The following CSMD1 variants were observed in gnomAD, a reference collection of about 807,000 sequenced individuals.
The protein encoded by CSMD1 is CUB and Sushi multiple domains 1.
In CSMD1, 213 loss-of-function variants were observed where a neutral mutation model predicts 417.5. That is an observed-to-expected ratio of 0.51 (90% CI 0.46 to 0.57). CSMD1 has a LOEUF of 0.57. Ranked by LOEUF, CSMD1 falls within the 20% of genes least tolerant of loss-of-function variation. The pLI, the probability that CSMD1 is intolerant of heterozygous loss-of-function variation, is 0.00. For missense variants in CSMD1, 6,923 were observed against 4,529.7 expected (o/e 1.53, Z -15.17); for synonymous variants, 2,862 against 1,736.8 (o/e 1.65, Z -16.11).
intron 1 of CSMD1, among the ~76,000 whole-genome samples, chr8:4,808,810 T>C (rs1199804096): frequency 6.6e-6 from 1 of 152,228 alleles, no homozygotes; most frequent in African/African-American, 2.4e-5. Flanking sequence ...AACAGGCATG[T>C]AATAAAGTGA....
chr8:3,117,716 G>A (rs181145860), intron 42 of CSMD1, among the ~76,000 whole-genome samples: 182 of 152,278 alleles, frequency 1.2e-3, no homozygotes, highest in Admixed American at 4.9e-3. Context: ...TTCCTGCTCA[G>A]AAAAAGGACG....
At chr8:3,325,727 G>C (rs897804575) in intron 23 of CSMD1, among the ~76,000 whole-genome samples, 7 of 152,140 alleles carry the variant, frequency 4.6e-5, no homozygotes, top group African/African-American at 7.2e-5. Flanking sequence ...GGGAAGCTGA[G>C]GCAAGGGAAT....
At chr8:3,852,785 T>C (rs913023548) in intron 5 of CSMD1, among the ~76,000 whole-genome samples, 4 of 152,036 alleles carry the variant, frequency 2.6e-5, no homozygotes, top group African/African-American at 7.2e-5. Flanking sequence ...TTCCAGCCTC[T>C]TCTGTCTCCT....
chr8:4,322,192 C>G (rs953839753), intron 3 of CSMD1, among the ~76,000 whole-genome samples: 1 of 152,122 alleles, frequency 6.6e-6, no homozygotes, highest in Non-Finnish European at 1.5e-5. Context: ...TAACAATTTC[C>G]TTTCACTCTA....
rs905453796 is a variant in CSMD1, at chr8:3,877,665, T to C, written c.818+120238A>G. ...AGTAGAATGTCTATTTTCCCCTGAA[T>C]AAGGGTCTGAGCACATGGCTTGTAC... On this transcript the variant is annotated intron_variant, in intron 5 of 69. Transcript: ENST00000635120. Among the ~76,000 whole-genome samples the C allele has an allele frequency of 5.8e-5, 8 of 138,844 alleles. 1 individual carries two copies. The highest frequency in any genetic ancestry group is 2.7e-4 in the Admixed American group (4 of 14,684). The allele number at this position is 138,844 out of a possible 152,430, so 91.1% of individuals were successfully genotyped here.
At chr8:3,735,944 GAAAAT>G (rs60571677) in intron 6 of CSMD1, among the ~76,000 whole-genome samples, 5,459 of 152,096 alleles carry the variant, frequency 0.036, 126 homozygotes, top group African/African-American at 0.05. Flanking sequence ...GCTAGGGAAA[GAAAAT>G]AAACAGTAGA....
chr8:4,008,453 T>G (rs1816298520), intron 4 of CSMD1, among the ~76,000 whole-genome samples: 1 of 151,792 alleles, frequency 6.6e-6, no homozygotes, highest in Non-Finnish European at 1.5e-5. Context: ...GTGACAGAAT[T>G]AAATAAATGC....
At chr8:4,420,641 A>G (rs1797198034) in intron 2 of CSMD1, among the ~76,000 whole-genome samples, 1 of 152,166 alleles carries the variant, frequency 6.6e-6, no homozygotes, top group Non-Finnish European at 1.5e-5. Context: ...TCGTGAAACA[A>G]TCTGTGTTTC....
Position 4,985,922 on chromosome 8 carries a change from C to T in CSMD1, c.85+8410G>A, listed in dbSNP as rs74867885. ...AGAATTGCAAGACATTTGGAGTGCG[C>T]AGAAATTGTCTGATGAATTGTTAGT... is the stretch of plus-strand genomic sequence containing the variant. On this transcript the variant is annotated intron_variant, in intron 1 of 69. Coordinates refer to ENST00000635120, the MANE Select transcript of CSMD1 (RefSeq NM_033225.6). 1.9e-3 allele frequency among the ~76,000 whole-genome samples: 287 copies of T among 152,214 alleles called. 1 individual carries two copies. Among genetic ancestry groups the T allele is most frequent in the Admixed American group, 0.014 (215 of 15,280 alleles).
intron 3 of CSMD1, among the ~76,000 whole-genome samples, chr8:4,385,869 G>A (rs948927942): frequency 6.6e-6 from 1 of 152,128 alleles, no homozygotes; most frequent in Non-Finnish European, 1.5e-5. Context: ...AAAAATATAT[G>A]CTTAAAAATT....
At chr8:3,877,683 G>A (rs1427417098) in intron 5 of CSMD1, among the ~76,000 whole-genome samples, 20 of 120,850 alleles carry the variant, frequency 1.7e-4, no homozygotes, top group African/African-American at 7.7e-4. Context: ...TGAGCACATG[G>A]CTTGTACATT....
Position 3,564,331 on chromosome 8 carries a change from T to TC in CSMD1, c.1344+10613_1344+10614insG, listed in dbSNP as rs1799601820. On this transcript the variant is annotated intron_variant, in intron 10 of 69. Transcript: ENST00000635120. ...CTTTTCTCCCAGGATGTTTTTTGAA[T>TC]GTTTTGTCGTCCTCAGTGTCCATAA... is the stretch of plus-strand genomic sequence containing the variant. Among the ~76,000 whole-genome samples, 6 of 127,716 alleles carry TC rather than the reference T, an allele frequency of 4.7e-5. No individual in the cohort carries two copies. In the East Asian group the frequency reaches 1.3e-3, roughly 28 times the overall value. The allele number at this position is 127,716 out of a possible 152,430, so 83.8% of individuals were successfully genotyped here.
At chr8:3,729,056 G>T (rs1163991777) in intron 6 of CSMD1, among the ~76,000 whole-genome samples, 1 of 152,176 alleles carries the variant, frequency 6.6e-6, no homozygotes, top group Non-Finnish European at 1.5e-5. Flanking sequence ...CCAAAGTCTG[G>T]CCGTAATTCT....
Position 3,218,882 on chromosome 8 carries a change from GA to G in CSMD1, c.4672+372del, listed in dbSNP as rs200288065. Among the ~76,000 whole-genome samples, 116 of 144,396 alleles carry G rather than the reference GA, an allele frequency of 8.0e-4. 1 individual carries two copies. Among genetic ancestry groups the G allele is most frequent in the African/African-American group, 1.6e-3 (63 of 39,290 alleles). 94.7% of individuals were successfully genotyped at this position (144,396 alleles called of 152,430 possible). A position where few individuals can be genotyped will look rare whatever the true frequency, so the allele number is the denominator to read the frequency against. On this transcript the variant is annotated intron_variant, in intron 29 of 69. Coordinates refer to ENST00000635120, the MANE Select transcript of CSMD1 (RefSeq NM_033225.6). ...AGCAAAACTCTGTCTCAAGAAAAAA[GA>G]AAAAAAAAAGTTATTTTCATGTACT... is the stretch of plus-strand genomic sequence containing the variant.
In CSMD1 at chr8:4,279,251, C is replaced by T. The variant is rs146979587; in HGVS notation, c.415+140702G>A. Among the ~76,000 whole-genome samples, 404 of 152,250 alleles carry T rather than the reference C, an allele frequency of 2.7e-3. 3 individuals carry two copies. The highest frequency in any genetic ancestry group is 9.4e-3 in the African/African-American group (391 of 41,560). The stretch of plus-strand genomic sequence containing the variant: ...GCAGTCGATGGCACAAGTGTGCAAG[C>T]CACATTTTGAAACACTTATATTTAG... On this transcript the variant is annotated intron_variant, in intron 3 of 69. Transcript: ENST00000635120.
At chr8:3,835,273 G>T (rs1278048175) in intron 5 of CSMD1, among the ~76,000 whole-genome samples, 1 of 152,010 alleles carries the variant, frequency 6.6e-6, no homozygotes. Flanking sequence ...GCACACATAT[G>T]TTTACTGCGG....
chr8:3,449,100 A>G (rs1343931480), intron 12 of CSMD1, among the ~76,000 whole-genome samples: 1 of 152,242 alleles, frequency 6.6e-6, no homozygotes, highest in Non-Finnish European at 1.5e-5. Flanking sequence ...CATGAGTTCT[A>G]CACAGCACAA....
At chr8:4,143,911 G>A (rs913981011) in intron 3 of CSMD1, among the ~76,000 whole-genome samples, 1 of 151,126 alleles carries the variant, frequency 6.6e-6, no homozygotes. Flanking sequence ...ATTAAAGGCT[G>A]GGGTGAATTG....
chr8:4,376,520 ATATT>A (rs1027088265), intron 3 of CSMD1, among the ~76,000 whole-genome samples: 11 of 152,180 alleles, frequency 7.2e-5, no homozygotes, highest in Non-Finnish European at 1.5e-4. Context: ...TCCCCACAGT[ATATT>A]TAATCAATTT....
Sources: allele counts gnomAD v4.1 joint callset (sites outside exome capture counted in the v4.1 genomes callset), GRCh38; gene constraint gnomAD v4.1.1; transcripts MANE v1.5; gene names NCBI Gene and HGNC (gene_info 2026-07-23, HGNC 2026-07-21).